Variants in ZNF197 observed in about 807,000 individuals in gnomAD.
The protein encoded by ZNF197 is VHL-associated KRAB-A domain-containing protein.
Under a neutral mutation model 27.4 loss-of-function variants are expected in ZNF197, and 14 were observed. The observed-to-expected ratio is 0.51, with a 90% CI of 0.34 to 0.80. The LOEUF is 0.80. Ranked by LOEUF, ZNF197 falls within the 30% of genes least tolerant of loss-of-function variation. The probability of loss-of-function intolerance (pLI) is 0.02; values close to 1 mark genes in which losing one functional copy is unlikely to be tolerated. For missense variants in ZNF197, 1,090 were observed against 1,222.6 expected (o/e 0.89, Z 1.62); for synonymous variants, 415 against 420.0 (o/e 0.99, Z 0.15).
Position 44,645,541 on chromosome 3 carries a change from C to G in ZNF197, c.*1321C>G. On this transcript the variant is annotated 3_prime_UTR_variant, in exon 6 of 6. Transcript: ENST00000344387. ...GATGCCAAGGAAAACAATTTATTTC[C>G]CAGCTTTTGAATTTGAAACTTAACA... 1.0e-6 allele frequency: 1 copy of G among 985,082 alleles called. No homozygotes were observed. Among genetic ancestry groups the G allele is most frequent in the Non-Finnish European group, 1.2e-6 (1 of 829,894 alleles). The allele number at this position is 985,082 out of a possible 1,614,324, so 61.0% of individuals were successfully genotyped here.
At chr3:44,628,542 T>C (rs1701798072) in intron 1 of ZNF197, among the ~76,000 whole-genome samples, 1 of 152,242 alleles carries the variant, frequency 6.6e-6, no homozygotes, top group African/African-American at 2.4e-5. Flanking sequence ...TGTATCATGA[T>C]TAATGATTAC....
At chr3:44,634,279 C>T (rs1702160421) in intron 5 of ZNF197, among the ~76,000 whole-genome samples, 2 of 152,170 alleles carry the variant, frequency 1.3e-5, no homozygotes, top group Non-Finnish European at 2.9e-5. Flanking sequence ...TATAGAACTA[C>T]TGCTAATGCT....
chr3:44,625,464 C>T (rs1024396913), intron 1 of ZNF197, among the ~76,000 whole-genome samples: 3 of 152,194 alleles, frequency 2.0e-5, no homozygotes, highest in African/African-American at 4.8e-5. Flanking sequence ...TTCTGCTCTT[C>T]CTCAGTCTTG....
In ZNF197 at chr3:44,626,969, T is replaced by A. The variant is rs145239932; in HGVS notation, c.-82+1826T>A. ...TGGCATGAATAAATTATGATACATC[T>A]ATGCATCCATAAAAATGCGGAGAGG... On this transcript the variant is annotated intron_variant, in intron 1 of 5. Coordinates refer to ENST00000344387, the MANE Select transcript of ZNF197 (RefSeq NM_006991.5). Among the ~76,000 whole-genome samples, 635 of 152,236 alleles carry A rather than the reference T, an allele frequency of 4.2e-3. 2 individuals are homozygous for A. The highest frequency in any genetic ancestry group is 0.014 in the African/African-American group (598 of 41,524).
intron 5 of ZNF197, among the ~76,000 whole-genome samples, chr3:44,635,152 G>A (rs1392742541): frequency 6.7e-6 from 1 of 148,418 alleles, no homozygotes; most frequent in African/African-American, 2.5e-5. Context: ...ATTCCAGATA[G>A]GTCTAAGAGT....
chr3:44,626,882 T>C (rs1232847204), intron 1 of ZNF197, among the ~76,000 whole-genome samples: 1 of 152,216 alleles, frequency 6.6e-6, no homozygotes, highest in Admixed American at 6.5e-5. Context: ...CCCAAGATTA[T>C]TCATGATTAT....
chr3:44,625,708 AC>A (rs1701606882), intron 1 of ZNF197, among the ~76,000 whole-genome samples: 1 of 152,082 alleles, frequency 6.6e-6, no homozygotes, highest in Non-Finnish European at 1.5e-5. Flanking sequence ...AAGTACTAAG[AC>A]CGTAAACTCA....
intron 5 of ZNF197, among the ~76,000 whole-genome samples, chr3:44,638,719 T>C (rs771572142): frequency 2.6e-4 from 40 of 152,142 alleles, no homozygotes; most frequent in Admixed American, 8.5e-4. Flanking sequence ...TTTTGAACAG[T>C]GTCTTACTCT....
chr3:44,644,947 A>G lies in ZNF197; in HGVS notation c.*727A>G, dbSNP rs1702873475. On this transcript the variant is annotated 3_prime_UTR_variant, in exon 6 of 6. Coordinates refer to ENST00000344387, the MANE Select transcript of ZNF197 (RefSeq NM_006991.5). ...AATGTGTATAGTATGCATTTTAAAG[A>G]TAGTGTCACTGCTGTGGAAAACCTG... 1 of 985,484 alleles carries G rather than the reference A, an allele frequency of 1.0e-6. No individual in the cohort carries two copies. The highest frequency in any genetic ancestry group is 1.7e-5 in the African/African-American group (1 of 57,374). 61.0% of individuals were successfully genotyped at this position (985,484 alleles called of 1,614,324 possible).
In ZNF197 at chr3:44,646,110, G is replaced by A; in HGVS notation, c.*1890G>A. 1 of 985,308 alleles carries A rather than the reference G, an allele frequency of 1.0e-6. No individual in the cohort carries two copies. Among genetic ancestry groups the A allele is most frequent in the Non-Finnish European group, 1.2e-6 (1 of 829,926 alleles). The allele number at this position is 985,308 out of a possible 1,614,324, so 61.0% of individuals were successfully genotyped here. On this transcript the variant is annotated 3_prime_UTR_variant, in exon 6 of 6. Coordinates refer to ENST00000344387, the MANE Select transcript of ZNF197 (RefSeq NM_006991.5). ...GTAGCCAAGAGTGAAAACTGGAAGG[G>A]GCCTAAGGCTTAAAGTCTTAAGACC...
At position 44,632,509 on chromosome 3, in the gene ZNF197, A is replaced by G; in HGVS notation, c.679A>G (p.Thr227Ala). 1 of 1,608,186 alleles carries G rather than the reference A, an allele frequency of 6.2e-7. No individual in the cohort carries two copies. The highest frequency in any genetic ancestry group is 1.7e-4 in the Middle Eastern group (1 of 6,036). ...GTTCGAGGAGGTGTCAGTATGCTTC[A>G]CTTCAGAGGAATGGGCATGTCTGGG... ...VMFEEVSVCF[T>A]SEEWACLGPI... Residue 227 changes from threonine (T) to alanine (A), a missense_variant, in exon 5 of 6, where the codon ACT (threonine) becomes GCT (alanine). Physicochemically the swap from Thr to Ala is moderately conservative, Grantham distance 58. Transcript: ENST00000344387.
Position 44,642,644 on chromosome 3 carries a change from A to G in ZNF197, c.1514A>G (p.Lys505Arg). 6.2e-7 allele frequency: 1 copy of G among 1,614,054 alleles called. No homozygotes were observed. Among genetic ancestry groups the G allele is most frequent in the Non-Finnish European group, 8.5e-7 (1 of 1,180,014 alleles). ...CTCATTGACCATCAGAGGCTCCACA[A>G]AGGGGAAGAACCTTATAAATGTAAT... Reference protein sequence around the residue: ...AYLIDHQRLHKGEEPYKCNKC... With the variant: ...AYLIDHQRLHRGEEPYKCNKC... Residue 505 changes from lysine (K) to arginine (R), a missense_variant, in exon 6 of 6, where the codon AAA becomes AGA. Physicochemically the swap from Lys to Arg is conservative, Grantham distance 26. Coordinates refer to ENST00000344387, the MANE Select transcript of ZNF197 (RefSeq NM_006991.5).
chr3:44,643,772 A>G lies in ZNF197; in HGVS notation c.2642A>G (p.Lys881Arg), dbSNP rs748615958. 1.9e-6 allele frequency: 3 copies of G among 1,614,064 alleles called. No individual in the cohort carries two copies. Among genetic ancestry groups the G allele is most frequent in the Non-Finnish European group, 2.5e-6 (3 of 1,180,034 alleles). The change falls in exon 6 of 6, where the codon AAA becomes AGA. Residue 881 changes from lysine to arginine, a missense_variant. Coordinates refer to ENST00000344387, the MANE Select transcript of ZNF197 (RefSeq NM_006991.5). ...EKTYECHVCR[K>R]VLTSSRNLMV... ...ACCTACGAATGTCATGTATGTAGGAAAGTCCTTACCTCTAGTAGAAATCTT... is the reference window on the plus strand; with the variant it reads ...ACCTACGAATGTCATGTATGTAGGAGAGTCCTTACCTCTAGTAGAAATCTT...
chr3:44,641,914 AC>A lies in ZNF197; in HGVS notation c.786del (p.Glu263ArgfsTer5). ...NVTSLEWETM[T>X]ENEEVTSKPS... ...CCTTTTACCAGAATGGGAGACCATG[AC>A]CGAGAATGAGGAGGTGACATCAAAG... On this transcript the variant is annotated frameshift_variant, in exon 6 of 6. Transcript: ENST00000344387. LOFTEE classifies it low-confidence loss of function (END_TRUNC). 1 of 1,594,596 alleles carries A rather than the reference AC, an allele frequency of 6.3e-7. No homozygotes were observed. The highest frequency in any genetic ancestry group is 1.7e-4 in the Middle Eastern group (1 of 5,958).
In ZNF197 at chr3:44,644,293, A is replaced by G; in HGVS notation, c.*73A>G. On this transcript the variant is annotated 3_prime_UTR_variant, in exon 6 of 6. Transcript: ENST00000344387. Reference sequence around the variant, plus strand: ...TGGACAAATGATATATATTTCTTCTAAGGAAAAAGTTTATTATTTACTCTT... The same window carrying G: ...TGGACAAATGATATATATTTCTTCTGAGGAAAAAGTTTATTATTTACTCTT... The G allele has an allele frequency of 6.6e-7, 1 of 1,505,744 alleles. No individual in the cohort carries two copies. Among genetic ancestry groups the G allele is most frequent in the East Asian group, 2.3e-5 (1 of 43,098 alleles). 93.3% of individuals were successfully genotyped at this position (1,505,744 alleles called of 1,614,324 possible).
chr3:44,643,210 A>C lies in ZNF197; in HGVS notation c.2080A>C (p.Ile694Leu), dbSNP rs767096335. The change falls in exon 6 of 6, where the codon ATT (isoleucine) becomes CTT (leucine). Residue 694 changes from isoleucine to leucine, a missense_variant. Transcript: ENST00000344387. ...GKVFGSNRNL[I>L]DHERLHNGEK... is the part of the protein sequence containing the mutation. The stretch of plus-strand genomic sequence containing the variant: ...GGTCTTCGGTTCAAACAGAAACCTC[A>C]TTGACCATGAGAGACTCCACAATGG... 5.0e-6 allele frequency: 8 copies of C among 1,613,362 alleles called. No individual in the cohort carries two copies. The highest frequency in any genetic ancestry group is 5.9e-6 in the Non-Finnish European group (7 of 1,179,846).
rs1201723409 is a variant in ZNF197 at position 44,645,540 on chromosome 3, C to T, written c.*1320C>T. ...TGATGCCAAGGAAAACAATTTATTT[C>T]CCAGCTTTTGAATTTGAAACTTAAC... On this transcript the variant is annotated 3_prime_UTR_variant, in exon 6 of 6. Transcript: ENST00000344387. 1 of 985,072 alleles carries T rather than the reference C, an allele frequency of 1.0e-6. No individual in the cohort carries two copies. The highest frequency in any genetic ancestry group is 1.8e-5 in the African/African-American group (1 of 57,128). 61.0% of individuals were successfully genotyped at this position (985,072 alleles called of 1,614,324 possible).
In ZNF197 at chr3:44,644,331, G is replaced by A. The variant is rs1702825471; in HGVS notation, c.*111G>A. The A allele has an allele frequency of 1.0e-5, 15 of 1,446,196 alleles. No homozygotes were observed. The highest frequency in any genetic ancestry group is 1.4e-5 in the Non-Finnish European group (15 of 1,105,986). The allele number at this position is 1,446,196 out of a possible 1,614,324, so 89.6% of individuals were successfully genotyped here. A position where few individuals can be genotyped will look rare whatever the true frequency, so the allele number is the denominator to read the frequency against. ...ATTATTTACTCTTTACTAGACAAATGAGTAGCATATAGAAGAAAGTTAATA... is the reference window on the plus strand; with the variant it reads ...ATTATTTACTCTTTACTAGACAAATAAGTAGCATATAGAAGAAAGTTAATA... On this transcript the variant is annotated 3_prime_UTR_variant, in exon 6 of 6. Coordinates refer to ENST00000344387, the MANE Select transcript of ZNF197 (RefSeq NM_006991.5).
At chr3:44,633,438 A>G (rs1161311902) in intron 5 of ZNF197, among the ~76,000 whole-genome samples, 1 of 152,218 alleles carries the variant, frequency 6.6e-6, no homozygotes, top group Non-Finnish European at 1.5e-5. Context: ...AGAGTGGCAT[A>G]AACCTGGTGT....
Sources: gnomAD v4.1 joint callset for allele counts (sites outside exome capture counted in the v4.1 genomes callset) on GRCh38, gnomAD v4.1.1 for gene constraint, MANE v1.5 for transcripts, NCBI Gene and HGNC (gene_info 2026-07-23, HGNC 2026-07-21) for gene names.